TLK1: variants seen among roughly 807,000 people sequenced by gnomAD.
TLK1 encodes tousled like kinase 1.
A neutral mutation model predicts 105.3 loss-of-function variants in TLK1; 24 were observed. The observed-to-expected ratio is 0.23, with a 90% CI of 0.17 to 0.32. The LOEUF is 0.32. Ranked by LOEUF, TLK1 falls within the 10% of genes least tolerant of loss-of-function variation. The pLI, the probability that TLK1 is intolerant of heterozygous loss-of-function variation, is 1.00. For synonymous variants in TLK1, 321 were observed against 310.4 expected (o/e 1.03, Z -0.36); for missense variants, 558 against 910.5 (o/e 0.61, Z 4.98).
intron 18 of TLK1, among the ~76,000 whole-genome samples, chr2:171,004,820 T>G (rs982592270): frequency 1.3e-5 from 2 of 152,206 alleles, no homozygotes; most frequent in African/African-American, 4.8e-5. Flanking sequence ...TCCAAAGACT[T>G]TGAGAATATT....
rs976520422 is a variant in TLK1, at chr2:171,000,626, G to A, written c.1905-2803C>T. 3.3e-5 allele frequency among the ~76,000 whole-genome samples: 5 copies of A among 152,118 alleles called. 1 individual carries two copies. The South Asian group carries it at 1.0e-3, about 31-fold the overall frequency. ...GTCATCTTTAGGTTGAGTAGACTGA[G>A]GAGGGGTTAGTTTTGCTGTCTCAGG... On this transcript the variant is annotated intron_variant, in intron 18 of 20. Transcript: ENST00000431350.
At chr2:171,127,896 C>A (rs1220505303) in intron 1 of TLK1, among the ~76,000 whole-genome samples, 1 of 152,080 alleles carries the variant, frequency 6.6e-6, no homozygotes, top group African/African-American at 2.4e-5. Flanking sequence ...ATGTACTGCA[C>A]ATACACACAT....
At position 171,068,065 on chromosome 2, in the gene TLK1, G is replaced by A. The variant is rs984748022; in HGVS notation, c.331-6909C>T. Among the ~76,000 whole-genome samples the A allele has an allele frequency of 2.6e-5, 4 of 152,048 alleles. No homozygotes were observed. The East Asian group carries it at 7.7e-4, about 29-fold the overall frequency. On this transcript the variant is annotated intron_variant, in intron 3 of 20. Coordinates refer to ENST00000431350, the MANE Select transcript of TLK1 (RefSeq NM_012290.5). ...GGATCAGCCGGGCATGGTGGCTCAA[G>A]CCTGTAATTCTAGCACTTTGGGAGG...
chr2:171,171,485 C>CTTATT (rs1692724701), intron 1 of TLK1, among the ~76,000 whole-genome samples: 1 of 145,292 alleles, frequency 6.9e-6, no homozygotes, highest in Admixed American at 7.1e-5. Flanking sequence ...ATAGGAGACT[C>CTTATT]TTACACTGCC....
intron 11 of TLK1, among the ~76,000 whole-genome samples, chr2:171,039,079 T>C (rs544677446): frequency 6.6e-6 from 1 of 152,086 alleles, no homozygotes; most frequent in Non-Finnish European, 1.5e-5. Context: ...TTTCTAATAA[T>C]TTTTTTTGTC....
At chr2:171,222,792 A>T (rs878998821) in intron 1 of TLK1, among the ~76,000 whole-genome samples, 1 of 150,604 alleles carries the variant, frequency 6.6e-6, no homozygotes, top group Non-Finnish European at 1.5e-5. Flanking sequence ...TACAATATAA[A>T]TTATTAACTA....
At chr2:171,169,788 G>C (rs994360636) in intron 1 of TLK1, among the ~76,000 whole-genome samples, 1 of 152,100 alleles carries the variant, frequency 6.6e-6, no homozygotes. Context: ...GGATTAACAG[G>C]GGCTAGAAGA....
intron 12 of TLK1, among the ~76,000 whole-genome samples, chr2:171,023,655 A>G (rs1421686868): frequency 6.6e-6 from 1 of 152,212 alleles, no homozygotes; most frequent in Admixed American, 6.5e-5. Context: ...ACTGGACCTA[A>G]TAACTTTCAA....
At chr2:171,123,786 T>C (rs1690755301) in intron 1 of TLK1, among the ~76,000 whole-genome samples, 2 of 152,196 alleles carry the variant, frequency 1.3e-5, no homozygotes, top group East Asian at 1.9e-4. Context: ...TACTCCAGCC[T>C]GGGCGCAGAA....
At chr2:171,122,148 T>C (rs1049311139) in intron 1 of TLK1, among the ~76,000 whole-genome samples, 4 of 151,528 alleles carry the variant, frequency 2.6e-5, no homozygotes, top group African/African-American at 9.8e-5. Flanking sequence ...GGTTTCACCA[T>C]GTTGGCCAGG....
intron 1 of TLK1, among the ~76,000 whole-genome samples, chr2:171,221,744 T>TCTCA (rs1200461220): frequency 6.6e-6 from 1 of 152,228 alleles, no homozygotes; most frequent in African/African-American, 2.4e-5. Context: ...ACAGCCACCT[T>TCTCA]CTCACTGTGT....
intron 1 of TLK1, among the ~76,000 whole-genome samples, chr2:171,132,821 C>T (rs1255763476): frequency 6.6e-6 from 1 of 152,154 alleles, no homozygotes; most frequent in Non-Finnish European, 1.5e-5. Context: ...GCTATGAACA[C>T]GCCACTGCAT....
chr2:171,022,482 G>C (rs1685576311), intron 12 of TLK1, among the ~76,000 whole-genome samples: 1 of 151,850 alleles, frequency 6.6e-6, no homozygotes, highest in African/African-American at 2.4e-5. Context: ...ATTCTTCATG[G>C]GCTTAATCAC....
At chr2:171,108,083 C>CAA (rs1484029506) in intron 2 of TLK1, among the ~76,000 whole-genome samples, 4 of 66,390 alleles carry the variant, frequency 6.0e-5, no homozygotes, top group African/African-American at 1.9e-4. Context: ...ACAACAACAA[C>CAA]AACAAAAAAA....
At chr2:171,223,610 G>T (rs1693847243) in intron 1 of TLK1, among the ~76,000 whole-genome samples, 2 of 151,342 alleles carry the variant, frequency 1.3e-5, no homozygotes, top group Non-Finnish European at 1.5e-5. Context: ...CTCCTGAGTA[G>T]CTGGGATTAT....
At chr2:171,023,215 T>A in intron 12 of TLK1, 1 of 469,522 alleles carries the variant, frequency 2.1e-6, no homozygotes. Flanking sequence ...TCAGGTGGCA[T>A]GTTGGATGTG....
chr2:171,016,928 T>G (rs1685240619), intron 12 of TLK1, among the ~76,000 whole-genome samples: 1 of 152,150 alleles, frequency 6.6e-6, no homozygotes, highest in Non-Finnish European at 1.5e-5. Context: ...AAGATAAATC[T>G]TTCTACAAGT....
intron 2 of TLK1, among the ~76,000 whole-genome samples, chr2:171,102,124 T>C (rs895972341): frequency 2.0e-5 from 3 of 152,224 alleles, no homozygotes; most frequent in Non-Finnish European, 2.9e-5. Flanking sequence ...TAATATATCT[T>C]GGAGACATTT....
chr2:171,096,485 G>C (rs1001452335), intron 2 of TLK1, among the ~76,000 whole-genome samples: 1 of 152,024 alleles, frequency 6.6e-6, no homozygotes, highest in Admixed American at 6.6e-5. Flanking sequence ...GCCCAGGCAC[G>C]GTAGCTCATG....
Sources: gnomAD v4.1 joint callset for allele counts (sites outside exome capture counted in the v4.1 genomes callset) on GRCh38, gnomAD v4.1.1 for gene constraint, MANE v1.5 for transcripts, NCBI Gene and HGNC (gene_info 2026-07-23, HGNC 2026-07-21) for gene names.